The following MCM10 variants were observed in gnomAD, a reference collection of about 807,000 sequenced individuals.
MCM10 encodes the protein minichromosome maintenance 10 replication initiation factor, also known as protein MCM10 homolog.
Under a neutral mutation model 109.9 loss-of-function variants are expected in MCM10, and 91 were observed. The observed-to-expected ratio is 0.83, with a 90% CI of 0.70 to 0.99. The LOEUF (loss-of-function observed/expected upper bound fraction) is 0.99, where lower values mean the gene tolerates loss of function less well. Among genes scored for constraint, MCM10 ranks in the 50% least tolerant of loss-of-function variants. The probability of loss-of-function intolerance (pLI) is 0.00; values close to 1 mark genes in which losing one functional copy is unlikely to be tolerated. For missense variants in MCM10, 1,077 were observed against 1,061.2 expected, an observed-to-expected ratio of 1.01 and a Z score of -0.21; for synonymous variants, 380 against 387.2, an observed-to-expected ratio of 0.98 and a Z score of 0.22.
intron 18 of MCM10, among the ~76,000 whole-genome samples, chr10:13,205,002 GTATA>G (rs576376587): frequency 7.7e-3 from 51 of 6,594 alleles, no homozygotes; most frequent in African/African-American, 0.017. Flanking sequence ...ATGTATGTAT[GTATA>G]TATATATATA....
intron 8 of MCM10, among the ~76,000 whole-genome samples, chr10:13,184,764 C>T (rs117019256): frequency 0.013 from 2,034 of 152,266 alleles, 24 homozygotes; most frequent in Admixed American, 0.018. Context: ...AGTGACATCT[C>T]TGTGAGTCTC....
Position 13,170,984 on chromosome 10 carries a change from T to C in MCM10, c.70T>C (p.Cys24Arg), listed in dbSNP as rs1295344385. Reference sequence around the variant, plus strand: ...GGAAGAAAATGAGTCAGCCTTGGATTGTAATTCAGAAGAAAATAACTTCTT... The same window carrying C: ...GGAAGAAAATGAGTCAGCCTTGGATCGTAATTCAGAAGAAAATAACTTCTT... ...LLEENESALD[C>R]NSEENNFLTR... Residue 24 changes from cysteine (C) to arginine (R), a missense_variant, in exon 3 of 20, where the codon TGT (cysteine) becomes CGT (arginine). By Grantham distance (180) the Cys-to-Arg change is radical (BLOSUM62 -3). Transcript: ENST00000378714. 1 of 1,614,232 alleles carries C rather than the reference T, an allele frequency of 6.2e-7. No homozygotes were observed. The highest frequency in any genetic ancestry group is 1.7e-5 in the Admixed American group (1 of 60,024).
chr10:13,162,160 C>T (rs1168988826), intron 1 of MCM10, among the ~76,000 whole-genome samples: 1 of 152,102 alleles, frequency 6.6e-6, no homozygotes, highest in Non-Finnish European at 1.5e-5. Context: ...GACCTCAAAG[C>T]AGCTTAGTGT....
intron 6 of MCM10, among the ~76,000 whole-genome samples, chr10:13,177,589 T>C (rs947335508): frequency 2.0e-5 from 3 of 147,562 alleles, no homozygotes; most frequent in Non-Finnish European, 4.5e-5. Context: ...AACCTTTCCC[T>C]AGCTGGGCAT....
chr10:13,209,699 G>T lies in MCM10; in HGVS notation c.*389G>T. On this transcript the variant is annotated 3_prime_UTR_variant, in exon 20 of 20. Coordinates refer to ENST00000378714, the MANE Select transcript of MCM10 (RefSeq NM_018518.5). ...CGAACACCCAGAGGCAAAAGAATTTGGCTTAATTCTCACTCCAGGTAAGTA... is the reference window on the plus strand; with the variant it reads ...CGAACACCCAGAGGCAAAAGAATTTTGCTTAATTCTCACTCCAGGTAAGTA... The T allele has an allele frequency of 5.6e-6, 1 of 177,928 alleles. No homozygotes were observed. Among genetic ancestry groups the T allele is most frequent in the Non-Finnish European group, 1.2e-5 (1 of 84,560 alleles). The allele number at this position is 177,928 out of a possible 1,614,324, so 11.0% of individuals were successfully genotyped here.
chr10:13,198,374 T>G (rs771098763), intron 15 of MCM10, among the ~76,000 whole-genome samples: 1 of 152,242 alleles, frequency 6.6e-6, no homozygotes, highest in Non-Finnish European at 1.5e-5. Context: ...TTTAAAACTC[T>G]GAAGTTGGCA....
At chr10:13,167,122 C>T (rs1834011827) in intron 2 of MCM10, among the ~76,000 whole-genome samples, 1 of 152,070 alleles carries the variant, frequency 6.6e-6, no homozygotes, top group African/African-American at 2.4e-5. Flanking sequence ...CTGTGTGACC[C>T]TGTCTTGAAA....
chr10:13,165,152 T>C (rs78367606), intron 2 of MCM10, among the ~76,000 whole-genome samples: 1 of 152,132 alleles, frequency 6.6e-6, no homozygotes, highest in African/African-American at 2.4e-5. Context: ...TTCCTGTACA[T>C]ACATACGTGT....
chr10:13,167,972 A>G (rs1306127922), intron 2 of MCM10, among the ~76,000 whole-genome samples: 1 of 152,196 alleles, frequency 6.6e-6, no homozygotes, highest in Non-Finnish European at 1.5e-5. Context: ...TCAGCGTAAT[A>G]CAGAGAAGAC....
rs753208013 is a variant in MCM10 at position 13,172,989 on chromosome 10, G to A, written c.592+224G>A. On this transcript the variant is annotated intron_variant, in intron 5 of 19. Coordinates refer to ENST00000378714, the MANE Select transcript of MCM10 (RefSeq NM_018518.5). The surrounding 1 kb of genome is among the most constrained non-coding windows in gnomAD (Gnocchi z 5.2). ...GGCCAAGGCACGCGGCAGGAAGATT[G>A]CTTGATCCTAGGAGTTTGAGGCCAG... 6.6e-6 allele frequency among the ~76,000 whole-genome samples: 1 copy of A among 152,174 alleles called. No individual in the cohort carries two copies. Among genetic ancestry groups the A allele is most frequent in the Non-Finnish European group, 1.5e-5 (1 of 68,044 alleles).
chr10:13,198,949 G>A (rs1012184773), intron 16 of MCM10, 142 bp downstream of exon 16: 3 of 600,938 alleles, frequency 5.0e-6, no homozygotes, highest in Admixed American at 2.8e-5. Context: ...AGGCTGAAGT[G>A]CAGTGGCGCC....
intron 11 of MCM10, 34 bp downstream of exon 11, chr10:13,191,433 C>T (rs1180156218): frequency 6.4e-7 from 1 of 1,559,534 alleles, no homozygotes; most frequent in African/African-American, 1.4e-5. Flanking sequence ...ATTTCTTTCT[C>T]CAGTTTAATT....
rs114133964 is a variant in MCM10, at chr10:13,198,331, A to T, written c.2120-358A>T. Among the ~76,000 whole-genome samples the T allele has an allele frequency of 4.3e-3, 651 of 152,344 alleles. 4 individuals carry two copies. Among genetic ancestry groups the T allele is most frequent in the African/African-American group, 0.015 (632 of 41,580 alleles). On this transcript the variant is annotated intron_variant, in intron 15 of 19. Coordinates refer to ENST00000378714, the MANE Select transcript of MCM10 (RefSeq NM_018518.5). ...TAAAGATTTACTTTGACAGAACTAG[A>T]ATTCCTTTGTTTTAAATTGCCATAT... is the stretch of plus-strand genomic sequence containing the variant.
intron 14 of MCM10, among the ~76,000 whole-genome samples, chr10:13,195,855 G>A (rs1487967908): frequency 2.6e-5 from 4 of 151,620 alleles, no homozygotes; most frequent in Non-Finnish European, 5.9e-5. Context: ...TGTCCACCTC[G>A]GCCTCCCAAA....
In MCM10 at chr10:13,172,907, C is replaced by T; in HGVS notation, c.592+142C>T. 2.6e-6 allele frequency: 2 copies of T among 763,586 alleles called. No individual in the cohort carries two copies. The highest frequency in any genetic ancestry group is 4.1e-6 in the Non-Finnish European group (2 of 486,240). 47.3% of individuals were successfully genotyped at this position (763,586 alleles called of 1,614,324 possible). On this transcript the variant is annotated intron_variant, in intron 5 of 19. Transcript: ENST00000378714. The surrounding 1 kb of genome is among the most constrained non-coding windows in gnomAD (Gnocchi z 5.2). ...AAGAAAGTTTCTTGGGAATGGAAGC[C>T]ACATGATATATTTTGTGTTCTTCGT... is the stretch of plus-strand genomic sequence containing the variant.
In MCM10 at chr10:13,168,542, T is replaced by C. The variant is rs572515458; in HGVS notation, c.8-2380T>C. ...TCAGACAAGGAGAGTAGGTCAGATA[T>C]CCTTAATATTTTTCCATTGAATACC... On this transcript the variant is annotated intron_variant, in intron 2 of 19. Transcript: ENST00000378714. Among the ~76,000 whole-genome samples, 19 of 147,122 alleles carry C rather than the reference T, an allele frequency of 1.3e-4. 1 individual carries two copies. The highest frequency in any genetic ancestry group is 4.4e-4 in the African/African-American group (18 of 40,822).
chr10:13,163,799 G>A (rs1833959332), intron 1 of MCM10, among the ~76,000 whole-genome samples: 1 of 152,104 alleles, frequency 6.6e-6, no homozygotes, highest in Admixed American at 6.6e-5. Flanking sequence ...CCAAAGTGCT[G>A]GTATTACAGG....
At chr10:13,176,622 C>T (rs865952420) in intron 6 of MCM10, among the ~76,000 whole-genome samples, 2 of 152,162 alleles carry the variant, frequency 1.3e-5, no homozygotes, top group Admixed American at 6.5e-5. Context: ...TAAGGCTGGG[C>T]GTGGTAGCTC....
intron 16 of MCM10, among the ~76,000 whole-genome samples, chr10:13,200,014 T>G (rs1412586395): frequency 6.6e-6 from 1 of 151,974 alleles, no homozygotes; most frequent in Non-Finnish European, 1.5e-5. Flanking sequence ...TGAGACAAGG[T>G]CTTTTTCTGT....
Sources: allele counts gnomAD v4.1 joint callset (sites outside exome capture counted in the v4.1 genomes callset), GRCh38; gene constraint gnomAD v4.1.1; non-coding constraint Gnocchi (gnomAD v3.1); transcripts MANE v1.5; gene names NCBI Gene and HGNC (gene_info 2026-07-23, HGNC 2026-07-21).